UNC5C: variants seen among roughly 807,000 people sequenced by gnomAD.
UNC5C encodes unc-5 netrin receptor C.
A neutral mutation model predicts 99.8 loss-of-function variants in UNC5C; 47 were observed. That is an observed-to-expected ratio of 0.47 (90% CI 0.37 to 0.60). UNC5C has a LOEUF of 0.60. UNC5C is among the 20% of genes least tolerant of loss of function. UNC5C has a pLI of 0.00. For synonymous variants in UNC5C, 487 were observed against 452.2 expected (o/e 1.08, Z -0.98); for missense variants, 1,062 against 1,165.9 (o/e 0.91, Z 1.30).
At chr4:95,327,181 A>AC (rs927578847) in intron 2 of UNC5C, among the ~76,000 whole-genome samples, 1 of 151,134 alleles carries the variant, frequency 6.6e-6, no homozygotes, top group Non-Finnish European at 1.5e-5. Flanking sequence ...TTCAGGGAAA[A>AC]CCCCCCAACC....
At chr4:95,241,754 C>T (rs1433012567) in intron 7 of UNC5C, among the ~76,000 whole-genome samples, 24 of 152,008 alleles carry the variant, frequency 1.6e-4, no homozygotes, top group Admixed American at 1.5e-3. Context: ...AATCAAACTA[C>T]CACTTAATTA....
intron 14 of UNC5C, among the ~76,000 whole-genome samples, chr4:95,177,550 C>G (rs181370758): frequency 1.6e-3 from 238 of 152,338 alleles, no homozygotes; most frequent in African/African-American, 5.6e-3. Flanking sequence ...GCAGCAAGTG[C>G]TCACTTCTAG....
chr4:95,210,915 G>T (rs1738053709), intron 10 of UNC5C, among the ~76,000 whole-genome samples: 2 of 152,220 alleles, frequency 1.3e-5, no homozygotes, highest in Non-Finnish European at 2.9e-5. Context: ...CTGTATGGCA[G>T]TGTATGTCTA....
chr4:95,374,606 T>A (rs1744839287), intron 1 of UNC5C, among the ~76,000 whole-genome samples: 1 of 152,012 alleles, frequency 6.6e-6, no homozygotes, highest in Non-Finnish European at 1.5e-5. Flanking sequence ...GCTAGAGCCA[T>A]TTGAGCAGAA....
chr4:95,371,818 A>G (rs904026671), intron 1 of UNC5C, among the ~76,000 whole-genome samples: 1 of 152,210 alleles, frequency 6.6e-6, no homozygotes, highest in Non-Finnish European at 1.5e-5. Flanking sequence ...TTTTCACCCA[A>G]TAAAACATCT....
intron 1 of UNC5C, among the ~76,000 whole-genome samples, chr4:95,455,959 G>T (rs983245771): frequency 6.6e-6 from 1 of 152,056 alleles, no homozygotes; most frequent in African/African-American, 2.4e-5. Flanking sequence ...ATTTACCAGT[G>T]TCTGAAACCA....
At chr4:95,512,782 C>T (rs979927178) in intron 1 of UNC5C, among the ~76,000 whole-genome samples, 1 of 152,018 alleles carries the variant, frequency 6.6e-6, no homozygotes, top group African/African-American at 2.4e-5. Flanking sequence ...ATGTTTGTTA[C>T]TACTAAGCAA....
At chr4:95,521,865 CAT>C (rs1457856315) in intron 1 of UNC5C, among the ~76,000 whole-genome samples, 4 of 152,112 alleles carry the variant, frequency 2.6e-5, no homozygotes, top group African/African-American at 9.7e-5. Context: ...AAAAAGTAAA[CAT>C]AATTTTCTAT....
At chr4:95,203,496 G>A (rs978799209) in intron 11 of UNC5C, among the ~76,000 whole-genome samples, 1 of 151,988 alleles carries the variant, frequency 6.6e-6, no homozygotes, top group African/African-American at 2.4e-5. Context: ...TGAAACAGGA[G>A]TCTCACTCTA....
At chr4:95,378,465 C>T (rs1345600455) in intron 1 of UNC5C, among the ~76,000 whole-genome samples, 3 of 152,072 alleles carry the variant, frequency 2.0e-5, no homozygotes, top group Admixed American at 6.6e-5. Context: ...AGAAAAGAGT[C>T]GGACTTTTTG....
At position 95,544,661 on chromosome 4, in the gene UNC5C, G is replaced by C. The variant is rs768744050; in HGVS notation, c.124+4073C>G. On this transcript the variant is annotated intron_variant, in intron 1 of 15. Coordinates refer to ENST00000453304, the MANE Select transcript of UNC5C (RefSeq NM_003728.4). ...ATATGAGTGCACAATAATTGCTTAA[G>C]AACTTTACTTCTAATACCATACTCT... 6.2e-4 allele frequency among the ~76,000 whole-genome samples: 95 copies of C among 152,242 alleles called. 1 individual carries two copies. In the Middle Eastern group the frequency reaches 0.02, roughly 33 times the overall value.
At chr4:95,388,893 T>G (rs573977966) in intron 1 of UNC5C, among the ~76,000 whole-genome samples, 1 of 152,308 alleles carries the variant, frequency 6.6e-6, no homozygotes. Context: ...AGCCCTAATT[T>G]TTTTAAAAAG....
chr4:95,492,439 G>T (rs1290868627), intron 1 of UNC5C, among the ~76,000 whole-genome samples: 2 of 151,142 alleles, frequency 1.3e-5, no homozygotes, highest in Non-Finnish European at 3.0e-5. Context: ...TTACTAAGCT[G>T]CTCTCTTGCA....
rs74847151 is a variant in UNC5C at position 95,527,231 on chromosome 4, G to A, written c.124+21503C>T. The stretch of plus-strand genomic sequence containing the variant: ...CCAATATATTAGTAACAACAAAAAC[G>A]CATCACACACGTTAATAGTATTTGC... On this transcript the variant is annotated intron_variant, in intron 1 of 15. Coordinates refer to ENST00000453304, the MANE Select transcript of UNC5C (RefSeq NM_003728.4). Among the ~76,000 whole-genome samples the A allele has an allele frequency of 2.7e-3, 410 of 152,084 alleles. 1 individual carries two copies. The highest frequency in any genetic ancestry group is 9.2e-3 in the African/African-American group (381 of 41,524).
At chr4:95,174,905 T>C (rs1049610539) in intron 14 of UNC5C, among the ~76,000 whole-genome samples, 22 of 150,258 alleles carry the variant, frequency 1.5e-4, no homozygotes, top group African/African-American at 5.4e-4. Flanking sequence ...ACTCAGGACT[T>C]GCTTTATGAA....
At chr4:95,225,214 G>A (rs372517463) in intron 7 of UNC5C, among the ~76,000 whole-genome samples, 193 of 152,264 alleles carry the variant, frequency 1.3e-3, no homozygotes, top group African/African-American at 4.3e-3. Context: ...GCACCACCAT[G>A]TCCGGCTAAT....
chr4:95,428,327 A>C (rs1419908418), intron 1 of UNC5C, among the ~76,000 whole-genome samples: 1 of 152,158 alleles, frequency 6.6e-6, no homozygotes, highest in Admixed American at 6.5e-5. Flanking sequence ...TCTTTTTCAC[A>C]TGAACTGCTA....
Position 95,167,969 on chromosome 4 carries a change from A to T in UNC5C, c.*1265T>A, listed in dbSNP as rs997485520. ...GAGGACACTGAGGTCGTGTGGTTAA[A>T]TGACTTTCTCAAGGTGGCGCAACAA... On this transcript the variant is annotated 3_prime_UTR_variant, in exon 16 of 16. Coordinates refer to ENST00000453304, the MANE Select transcript of UNC5C (RefSeq NM_003728.4). 6.6e-6 allele frequency: 1 copy of T among 152,194 alleles called. No individual in the cohort carries two copies. The highest frequency in any genetic ancestry group is 1.5e-5 in the Non-Finnish European group (1 of 68,034). The allele number at this position is 152,194 out of a possible 1,614,324, so 9.4% of individuals were successfully genotyped here.
intron 1 of UNC5C, among the ~76,000 whole-genome samples, chr4:95,482,888 T>G (rs1721205429): frequency 7.6e-6 from 1 of 131,510 alleles, no homozygotes; most frequent in South Asian, 2.5e-4. Flanking sequence ...AGGGATAGCA[T>G]TAGGAGATAT....
Sources: allele counts gnomAD v4.1 joint callset (sites outside exome capture counted in the v4.1 genomes callset), GRCh38; gene constraint gnomAD v4.1.1; transcripts MANE v1.5; gene names NCBI Gene and HGNC (gene_info 2026-07-23, HGNC 2026-07-21).